The following TRIB3 variants were observed in gnomAD, a reference collection of about 807,000 sequenced individuals.
The protein encoded by TRIB3 is tribbles homolog 3.
TRIB3 carries 20 observed loss-of-function variants against 16.6 expected under a neutral mutation model. That is an observed-to-expected ratio of 1.20 (90% confidence interval 0.85 to 1.75). TRIB3 has a LOEUF of 1.75. TRIB3 is among the 40% of genes most tolerant of loss of function. TRIB3 has a pLI of 0.00. For missense variants in TRIB3, 484 were observed against 488.9 expected (o/e 0.99, Z 0.10); for synonymous variants, 208 against 217.0 (o/e 0.96, Z 0.36).
chr20:381,775 G>C (rs1419226320), intron 1 of TRIB3, among the ~76,000 whole-genome samples: 1 of 152,174 alleles, frequency 6.6e-6, no homozygotes, highest in Admixed American at 6.5e-5. Flanking sequence ...GGGAGCGGGG[G>C]CGCAGCGCGC....
At position 380,834 on chromosome 20, in the gene TRIB3, C is replaced by T. The variant is rs888028223; in HGVS notation, c.-336C>T. 1 of 152,162 alleles carries T rather than the reference C, an allele frequency of 6.6e-6. No homozygotes were observed. The highest frequency in any genetic ancestry group is 2.4e-5 in the African/African-American group (1 of 41,292). 9.4% of individuals were successfully genotyped at this position (152,162 alleles called of 1,614,324 possible). On this transcript the variant is annotated 5_prime_UTR_variant, in exon 1 of 4. Transcript: ENST00000217233. ...AGAGGAGAGAGGCCCGGGCGCGGCGCGGGGGATGGTGCGATCCCGGGCCCG... is the reference window on the plus strand; with the variant it reads ...AGAGGAGAGAGGCCCGGGCGCGGCGTGGGGGATGGTGCGATCCCGGGCCCG...
chr20:392,353 C>A (rs1016477683), intron 3 of TRIB3, among the ~76,000 whole-genome samples: 30 of 152,096 alleles, frequency 2.0e-4, no homozygotes, highest in African/African-American at 7.2e-4. Context: ...GGCTTACCAA[C>A]TGACTTTGGG....
Position 396,516 on chromosome 20 carries a change from T to A in TRIB3, c.903T>A (p.Ala301=). ...GCTGCCTCCTTCGTCGGGAGCCAGC[T>A]GAACGGCTCACAGCCACAGGCATCC... ...LVRCLLRREP[A]ERLTATGILL... The change falls in exon 4 of 4, where the codon GCT becomes GCA. Residue 301 remains alanine (A), a synonymous_variant. Coordinates refer to ENST00000217233, the MANE Select transcript of TRIB3 (RefSeq NM_021158.5). 3.1e-6 allele frequency: 5 copies of A among 1,613,182 alleles called. No homozygotes were observed. Among genetic ancestry groups the A allele is most frequent in the Non-Finnish European group, 4.2e-6 (5 of 1,180,030 alleles).
chr20:384,188 C>G (rs1330142027), intron 1 of TRIB3, among the ~76,000 whole-genome samples: 2 of 152,124 alleles, frequency 1.3e-5, no homozygotes, highest in Non-Finnish European at 2.9e-5. Flanking sequence ...GTCTCACTGC[C>G]CCGTCTTGTA....
In TRIB3 at chr20:388,266, C is replaced by G. The variant is rs749387697; in HGVS notation, c.256C>G (p.Leu86Val). 6 of 1,613,048 alleles carry G rather than the reference C, an allele frequency of 3.7e-6. No individual in the cohort carries two copies. The South Asian group carries it at 5.5e-5, about 15-fold the overall frequency. Reference sequence around the variant, plus strand: ...GGAGGGCGGGCGGGCCTACCAGGCCCTGCACTGCCCTACAGGCACTGAGTA... The same window carrying G: ...GGAGGGCGGGCGGGCCTACCAGGCCGTGCACTGCCCTACAGGCACTGAGTA... ...PEEGGRAYQA[L>V]HCPTGTEYTC... is the part of the protein sequence containing the mutation. The change falls in exon 2 of 4, where the codon CTG becomes GTG. Residue 86 changes from leucine (L) to valine (V), a missense_variant. Transcript: ENST00000217233.
Position 396,647 on chromosome 20 carries a change from C to T in TRIB3, c.1034C>T (p.Ala345Val). ...CCTGATGGACTGGGGCTGGACGAAG[C>T]CAGGGAAGAGGAGGGAGACAGAGAA... ...VVPDGLGLDE[A>V]REEEGDREVV... The change falls in exon 4 of 4, where the codon GCC (alanine) becomes GTC (valine). Residue 345 changes from alanine to valine, a missense_variant. By Grantham distance (64) the Ala-to-Val change is moderately conservative. Transcript: ENST00000217233. 1 of 1,612,766 alleles carries T rather than the reference C, an allele frequency of 6.2e-7. No homozygotes were observed. Among genetic ancestry groups the T allele is most frequent in the Non-Finnish European group, 8.5e-7 (1 of 1,179,792 alleles).
intron 3 of TRIB3, among the ~76,000 whole-genome samples, chr20:394,846 C>T (rs1335552654): frequency 1.3e-5 from 2 of 151,724 alleles, no homozygotes; most frequent in Admixed American, 6.6e-5. Flanking sequence ...AGAAGAGGGA[C>T]CGTGAGTTAG....
At chr20:386,914 C>G (rs2014829165) in intron 1 of TRIB3, among the ~76,000 whole-genome samples, 4 of 150,450 alleles carry the variant, frequency 2.7e-5, no homozygotes, top group Admixed American at 2.7e-4. Context: ...CTGCGCCTGG[C>G]CTAATTTTTG....
In TRIB3 at chr20:388,051, C is replaced by T. The variant is rs2014867270; in HGVS notation, c.41C>T (p.Ser14Phe). 1 of 1,614,104 alleles carries T rather than the reference C, an allele frequency of 6.2e-7. No homozygotes were observed. Among genetic ancestry groups the T allele is most frequent in the South Asian group, 1.1e-5 (1 of 91,086 alleles). The stretch of plus-strand genomic sequence containing the variant: ...CTGGCTGCTCCTGCGGGTTCCCTGT[C>T]CAGGAAGAAGCGGTTGGAGTTGGAT... Reference protein sequence around the residue: ...TPLAAPAGSLSRKKRLELDDN... With the variant: ...TPLAAPAGSLFRKKRLELDDN... The change falls in exon 2 of 4, where the codon TCC (serine) becomes TTC (phenylalanine). Residue 14 changes from serine (S) to phenylalanine (F), a missense_variant. Ser to Phe is a radical substitution (Grantham distance 155). Transcript: ENST00000217233.
At chr20:391,714 T>C (rs6051642) in intron 3 of TRIB3, 135 bp downstream of exon 3, 89,148 of 1,227,320 alleles carry the variant, frequency 0.073, 3,576 homozygotes, top group Middle Eastern at 0.14. Flanking sequence ...CAGCCCCTGT[T>C]TAGTTCCCTG....
chr20:395,010 G>A (rs905880805), intron 3 of TRIB3, among the ~76,000 whole-genome samples: 1 of 152,020 alleles, frequency 6.6e-6, no homozygotes, highest in Non-Finnish European at 1.5e-5. Context: ...TCATAGGATT[G>A]GTCAGTATTT....
Position 397,011 on chromosome 20 carries a change from G to A in TRIB3, c.*321G>A, listed in dbSNP as rs1042540949. The A allele has an allele frequency of 3.5e-5, 11 of 313,772 alleles. No homozygotes were observed. The Admixed American group carries it at 4.6e-4, about 13-fold the overall frequency. 19.4% of individuals were successfully genotyped at this position (313,772 alleles called of 1,614,324 possible). A position where few individuals can be genotyped will look rare whatever the true frequency, so the allele number is the denominator to read the frequency against. On this transcript the variant is annotated 3_prime_UTR_variant, in exon 4 of 4. Coordinates refer to ENST00000217233, the MANE Select transcript of TRIB3 (RefSeq NM_021158.5). ...CACTTTTCCATGACCATAGGTCACT[G>A]TCTACACTGGGTACACTTTGTACCA... is the stretch of plus-strand genomic sequence containing the variant.
At chr20:388,651 G>T (rs1292390118) in intron 2 of TRIB3, among the ~76,000 whole-genome samples, 1 of 151,982 alleles carries the variant, frequency 6.6e-6, no homozygotes, top group Non-Finnish European at 1.5e-5. Context: ...AAAAGTGAGG[G>T]GATAGCACTT....
chr20:384,190 C>T (rs923089774), intron 1 of TRIB3, among the ~76,000 whole-genome samples: 3 of 152,110 alleles, frequency 2.0e-5, no homozygotes, highest in Non-Finnish European at 2.9e-5. Context: ...CTCACTGCCC[C>T]GTCTTGTACT....
At chr20:393,068 GAAAACCTACAAAAATA>G (rs1261966951) in intron 3 of TRIB3, among the ~76,000 whole-genome samples, 28,152 of 145,062 alleles carry the variant, frequency 0.19, 3,282 homozygotes, top group African/African-American at 0.3. Flanking sequence ...TAGACTTTTA[GAAAACCTACAAAAATA>G]GTTCAAAGAG....
chr20:385,752 C>T (rs1386004222), intron 1 of TRIB3: 1 of 152,088 alleles, frequency 6.6e-6, no homozygotes, highest in Admixed American at 6.6e-5. Context: ...GTAGACACCA[C>T]CTCTTCTAGG....
chr20:391,635 T>C (rs567217285), intron 3 of TRIB3, 56 bp downstream of exon 3: 1 of 1,562,318 alleles, frequency 6.4e-7, no homozygotes, highest in East Asian at 2.3e-5. Context: ...TGGGCCATGA[T>C]GGAGAGAAAC....
In TRIB3 at chr20:388,302, G is replaced by T. The variant is rs150466961; in HGVS notation, c.291+1G>T. On this transcript the variant is annotated splice_donor_variant, in intron 2 of 3. Coordinates refer to ENST00000217233, the MANE Select transcript of TRIB3 (RefSeq NM_021158.5). LOFTEE classifies it high-confidence loss of function. ...TACAGGCACTGAGTATACCTGCAAG[G>T]TACGTGCCCATGGGCGGCTGTCCCC... 3 of 1,596,570 alleles carry T rather than the reference G, an allele frequency of 1.9e-6. No individual in the cohort carries two copies. Among genetic ancestry groups the T allele is most frequent in the African/African-American group, 1.3e-5 (1 of 74,526 alleles).
chr20:394,015 CTTTTT>C lies in TRIB3; in HGVS notation c.585-2179_585-2175del, dbSNP rs946746300. On this transcript the variant is annotated intron_variant, in intron 3 of 3. Transcript: ENST00000217233. ...CTTGCCTAAGTCTAATTTTCTTTTT[CTTTTT>C]TTTCTTTCTTTCTTTTTTTTTTTTT... 6.7e-5 allele frequency among the ~76,000 whole-genome samples: 10 copies of C among 149,450 alleles called. 1 individual carries two copies. The highest frequency in any genetic ancestry group is 3.5e-3 in the Middle Eastern group (1 of 288).
Sources: gnomAD v4.1 joint callset for allele counts (sites outside exome capture counted in the v4.1 genomes callset) on GRCh38, gnomAD v4.1.1 for gene constraint, MANE v1.5 for transcripts, NCBI Gene and HGNC (gene_info 2026-07-23, HGNC 2026-07-21) for gene names.